The following WDR76 variants were observed in gnomAD, a reference collection of about 807,000 sequenced individuals.
WDR76 encodes the protein WD repeat-containing protein 76.
A neutral mutation model predicts 70.2 loss-of-function variants in WDR76; 52 were observed. The observed-to-expected ratio is 0.74, with a 90% CI of 0.59 to 0.93. The LOEUF (loss-of-function observed/expected upper bound fraction) is 0.93. WDR76 is among the 40% of genes least tolerant of loss of function. The pLI, the probability that WDR76 is intolerant of heterozygous loss-of-function variation, is 0.00. For synonymous variants in WDR76, 292 were observed against 271.1 expected (o/e 1.08, Z -0.76); for missense variants, 756 against 760.2 (o/e 0.99, Z 0.07).
chr15:43,828,605 T>C (rs1596063661), intron 2 of WDR76, among the ~76,000 whole-genome samples: 3 of 152,212 alleles, frequency 2.0e-5, no homozygotes, highest in Admixed American at 2.0e-4. Flanking sequence ...TTACTCTGCT[T>C]CCTTTTTTCT....
chr15:43,858,458 C>G, intron 10 of WDR76: 1 of 492,868 alleles, frequency 2.0e-6, no homozygotes. Context: ...CATGTTGAGG[C>G]TGGTTTCGAA....
At chr15:43,845,558 A>G (rs963210271) in intron 8 of WDR76, among the ~76,000 whole-genome samples, 3 of 150,306 alleles carry the variant, frequency 2.0e-5, no homozygotes, top group African/African-American at 7.3e-5. Flanking sequence ...ACTGTGAGAA[A>G]TAAAATGCTG....
At chr15:43,828,454 G>C (rs548371473) in intron 2 of WDR76, 88 bp downstream of exon 2, 2 of 1,205,388 alleles carry the variant, frequency 1.7e-6, no homozygotes, top group Non-Finnish European at 2.3e-6. Flanking sequence ...GATCTCTCTG[G>C]TACAAACAAG....
chr15:43,832,082 C>A (rs914047275), intron 2 of WDR76, among the ~76,000 whole-genome samples: 7 of 152,118 alleles, frequency 4.6e-5, no homozygotes, highest in Non-Finnish European at 1.0e-4. Context: ...TGATTGATGA[C>A]CTAATTGGAT....
intron 9 of WDR76, among the ~76,000 whole-genome samples, chr15:43,855,209 A>C (rs1240663445): frequency 6.6e-6 from 1 of 152,234 alleles, no homozygotes; most frequent in Admixed American, 6.5e-5. Context: ...GATACCACTG[A>C]CTAAACAGTT....
Position 43,854,518 on chromosome 15 carries a change from C to T in WDR76, c.1192-2428C>T, listed in dbSNP as rs749976732. On this transcript the variant is annotated intron_variant, in intron 9 of 12. Coordinates refer to ENST00000263795, the MANE Select transcript of WDR76 (RefSeq NM_024908.4). The stretch of plus-strand genomic sequence containing the variant: ...CTGGAAGGGTGAGGCTCCAGTAAGC[C>T]GAGATTGCATCACTGCGCTCCAGTC... Among the ~76,000 whole-genome samples, 16 of 152,166 alleles carry T rather than the reference C, an allele frequency of 1.1e-4. 1 individual carries two copies. Among genetic ancestry groups the T allele is most frequent in the Admixed American group, 7.2e-4 (11 of 15,274 alleles).
chr15:43,830,422 C>A (rs969865895), intron 2 of WDR76, among the ~76,000 whole-genome samples: 1 of 151,780 alleles, frequency 6.6e-6, no homozygotes, highest in South Asian at 2.1e-4. Flanking sequence ...ATTAGCTGGG[C>A]GTGGTGGCAC....
chr15:43,867,077 T>G lies in WDR76; in HGVS notation c.*685T>G, dbSNP rs1470666252. On this transcript the variant is annotated 3_prime_UTR_variant, in exon 13 of 13. Transcript: ENST00000263795. ...TTTATAGTTTATAATGAATACTTAT[T>G]TCTAGACTCATACACTGGAAGGGGA... The G allele has an allele frequency of 6.6e-6, 1 of 152,244 alleles. No homozygotes were observed. Among genetic ancestry groups the G allele is most frequent in the Non-Finnish European group, 1.5e-5 (1 of 68,048 alleles). 9.4% of individuals were successfully genotyped at this position (152,244 alleles called of 1,614,324 possible).
chr15:43,836,756 G>A (rs1451451201), intron 4 of WDR76, among the ~76,000 whole-genome samples: 1 of 151,996 alleles, frequency 6.6e-6, no homozygotes, highest in African/African-American at 2.4e-5. Context: ...TGTTGGCTGG[G>A]TGCAGTGGCT....
intron 9 of WDR76, among the ~76,000 whole-genome samples, chr15:43,854,335 C>T (rs561037701): frequency 2.3e-4 from 35 of 152,046 alleles, no homozygotes; most frequent in Non-Finnish European, 5.0e-4. Flanking sequence ...TGACAGAGGC[C>T]GAGGAGGGTG....
chr15:43,827,815 G>A, intron 1 of WDR76, 150 bp from the exon 2 acceptor site: 3 of 825,514 alleles, frequency 3.6e-6, no homozygotes, highest in Non-Finnish European at 5.4e-6. Flanking sequence ...AAAGTGCTGG[G>A]ATTACAGGCG....
At position 43,847,507 on chromosome 15, in the gene WDR76, C is replaced by T. The variant is rs902326152; in HGVS notation, c.1032+3453C>T. Among the ~76,000 whole-genome samples, 4 of 151,874 alleles carry T rather than the reference C, an allele frequency of 2.6e-5. 1 individual carries two copies. The highest frequency in any genetic ancestry group is 4.2e-4 in the South Asian group (2 of 4,792). On this transcript the variant is annotated intron_variant, in intron 8 of 12. Coordinates refer to ENST00000263795, the MANE Select transcript of WDR76 (RefSeq NM_024908.4). ...CGTGATCTCTGCTCACTGCAGCCTC[C>T]GCCTCCTGGGTTCAAGCAGTTCTCT...
chr15:43,850,905 A>G (rs572139373), intron 8 of WDR76, among the ~76,000 whole-genome samples, 182 bp from the exon 9 acceptor site: 5 of 152,346 alleles, frequency 3.3e-5, no homozygotes, highest in Non-Finnish European at 7.3e-5. Flanking sequence ...ACTAGAAAAA[A>G]GTTAATGACA....
chr15:43,861,251 G>A, intron 11 of WDR76, 82 bp from the exon 12 acceptor site: 5 of 1,170,580 alleles, frequency 4.3e-6, no homozygotes, highest in Non-Finnish European at 6.4e-6. Context: ...ATGAATTAAT[G>A]AGAAGCTTGT....
intron 4 of WDR76, among the ~76,000 whole-genome samples, chr15:43,839,388 G>A (rs559026193): frequency 2.4e-4 from 36 of 152,242 alleles, no homozygotes; most frequent in South Asian, 4.1e-4. Context: ...TATTAGATAT[G>A]TATACCATAA....
chr15:43,842,801 A>G, intron 7 of WDR76, 130 bp downstream of exon 7: 1 of 817,882 alleles, frequency 1.2e-6, no homozygotes, highest in Non-Finnish European at 1.9e-6. Flanking sequence ...GTTTTTGTGT[A>G]TTTCCTCACA....
intron 11 of WDR76, 34 bp from the exon 12 acceptor site, chr15:43,861,299 A>G: frequency 6.3e-7 from 1 of 1,580,386 alleles, no homozygotes; most frequent in Non-Finnish European, 8.7e-7. Context: ...GTTTTTAAGT[A>G]ACAAAAGAAT....
intron 8 of WDR76, among the ~76,000 whole-genome samples, chr15:43,845,542 A>T (rs2087777936): frequency 2.7e-5 from 4 of 150,290 alleles, no homozygotes; most frequent in African/African-American, 9.7e-5. Flanking sequence ...CTTCCTAGTC[A>T]CCAGGACTGT....
intron 11 of WDR76, among the ~76,000 whole-genome samples, chr15:43,861,127 C>G (rs2087992423): frequency 1.3e-5 from 2 of 151,930 alleles, no homozygotes; most frequent in Admixed American, 1.3e-4. Flanking sequence ...CTGTATTGCC[C>G]AGGTTGGTCT....
Sources: gnomAD v4.1 joint callset for allele counts (sites outside exome capture counted in the v4.1 genomes callset) on GRCh38, gnomAD v4.1.1 for gene constraint, MANE v1.5 for transcripts, NCBI Gene and HGNC (gene_info 2026-07-23, HGNC 2026-07-21) for gene names.